The following RGS11 variants were observed in gnomAD, a reference collection of about 807,000 sequenced individuals.
The protein encoded by RGS11 is regulator of G protein signaling 11.
A neutral mutation model predicts 71.1 loss-of-function variants in RGS11; 86 were observed. The ratio of observed to expected loss-of-function variants is 1.21; its 90% CI spans 1.02 to 1.45. RGS11 has a LOEUF of 1.45. Ranked by LOEUF, RGS11 falls within the 40% of genes most tolerant of loss-of-function variation. The pLI is 0.00. For synonymous variants in RGS11, 298 were observed against 254.2 expected, an observed-to-expected ratio of 1.17 and a Z score of -1.64; for missense variants, 734 against 635.1, an observed-to-expected ratio of 1.16 and a Z score of -1.67.
Position 269,213 on chromosome 16 carries a change from G to T in RGS11, c.*56C>A. The T allele has an allele frequency of 7.8e-7, 1 of 1,286,160 alleles. No homozygotes were observed. Among genetic ancestry groups the T allele is most frequent in the East Asian group, 2.5e-5 (1 of 39,820 alleles). 79.7% of individuals were successfully genotyped at this position (1,286,160 alleles called of 1,614,324 possible). A position where few individuals can be genotyped will look rare whatever the true frequency, so the allele number is the denominator to read the frequency against. ...CTGGGCCAAGACGGGGGTGGCTGCT[G>T]CATTCACGCAGGACGTTGAGCTGCA... is the stretch of plus-strand genomic sequence containing the variant. On this transcript the variant is annotated 3_prime_UTR_variant, in exon 17 of 17. Transcript: ENST00000397770.
chr16:275,256 G>A, intron 3 of RGS11, 27 bp downstream of exon 3: 1 of 1,612,368 alleles, frequency 6.2e-7, no homozygotes, highest in Non-Finnish European at 8.5e-7. Flanking sequence ...AGTGACCCCA[G>A]GGCCCAGTGG....
intron 2 of RGS11, 31 bp downstream of exon 2, chr16:275,371 G>GCGCA: frequency 6.2e-7 from 1 of 1,610,512 alleles, no homozygotes; most frequent in African/African-American, 1.3e-5. Context: ...AGGCCGAGGC[G>GCGCA]CGCACGCACC....
rs747409484 is a variant in RGS11, at chr16:270,571, G to A, written c.1158C>T (p.Arg386=). The A allele has an allele frequency of 1.1e-5, 18 of 1,608,998 alleles. No individual in the cohort carries two copies. The highest frequency in any genetic ancestry group is 1.5e-5 in the Non-Finnish European group (18 of 1,178,278). The change falls in exon 15 of 17, where the codon CGC becomes CGT. Residue 386 remains arginine (R), a synonymous_variant. Coordinates refer to ENST00000397770, the MANE Select transcript of RGS11 (RefSeq NM_183337.3). ...GCAGCTGGGCGTCATCCAGGACATA[G>A]CGGTGGGGCTGGCGCAGCCCCTCCA... ...QTLEGLRQPH[R]YVLDDAQLHI...
intron 3 of RGS11, 27 bp from the exon 4 acceptor site, chr16:275,109 G>C (rs888057384): frequency 4.1e-6 from 6 of 1,481,388 alleles, no homozygotes; most frequent in Non-Finnish European, 4.5e-6. Flanking sequence ...CGGTGAGCGC[G>C]GGGCCGCGGA....
In RGS11 at chr16:275,314, C is replaced by A; in HGVS notation, c.180G>T (p.Trp60Cys). The stretch of plus-strand genomic sequence containing the variant: ...CCGAGACGCAGAACTTCTGGGCCAA[C>A]CACTGCACGACGTCGCTGCCTGCAC... ...HAVTGSDVVQ[W>C]LAQKFCVSEE... is the part of the protein sequence containing the mutation. Residue 60 changes from tryptophan (W) to cysteine (C), a missense_variant, in exon 3 of 17, where the codon TGG becomes TGT. Coordinates refer to ENST00000397770, the MANE Select transcript of RGS11 (RefSeq NM_183337.3). The A allele has an allele frequency of 6.2e-7, 1 of 1,612,550 alleles. No homozygotes were observed. The highest frequency in any genetic ancestry group is 8.5e-7 in the Non-Finnish European group (1 of 1,179,862).
rs777585890 is a variant in RGS11 at position 271,562 on chromosome 16, C to T, written c.665G>A (p.Ser222Asn). ...TACCTCCCGCTTATGGAAATCTGCA[C>T]TCTTGGTCTAGAAGGGGATAGGTGG... The part of the protein sequence containing the change: ...CAASRVLMTK[S>N]ADFHKREIEY... The change falls in exon 10 of 17, where the codon AGT becomes AAT. Residue 222 changes from serine to asparagine, a missense_variant. Ser to Asn is a conservative substitution (Grantham distance 46). Coordinates refer to ENST00000397770, the MANE Select transcript of RGS11 (RefSeq NM_183337.3). 9 of 1,613,684 alleles carry T rather than the reference C, an allele frequency of 5.6e-6. No individual in the cohort carries two copies. The East Asian group carries it at 1.8e-4, about 32-fold the overall frequency.
At chr16:271,985 C>T (rs538556884) in intron 9 of RGS11, 7 of 298,152 alleles carry the variant, frequency 2.3e-5, no homozygotes, top group Admixed American at 5.0e-5. Context: ...TACAGGCATG[C>T]GCCACCAAGC....
At position 268,582 on chromosome 16, in the gene RGS11, C is replaced by T. The variant is rs138797785; in HGVS notation, c.*687G>A. 21 of 617,884 alleles carry T rather than the reference C, an allele frequency of 3.4e-5. No homozygotes were observed. The highest frequency in any genetic ancestry group is 1.9e-4 in the Admixed American group (7 of 36,852). The allele number at this position is 617,884 out of a possible 1,614,324, so 38.3% of individuals were successfully genotyped here. A position where few individuals can be genotyped will look rare whatever the true frequency, so the allele number is the denominator to read the frequency against. On this transcript the variant is annotated 3_prime_UTR_variant, in exon 17 of 17. Transcript: ENST00000397770. ...GGATCCACCCTATGGAATCGGGCCT[C>T]GTCAGTGGGGTGACAATGTCAGAGT... is the stretch of plus-strand genomic sequence containing the variant.
Position 270,541 on chromosome 16 carries a change from T to C in RGS11, c.1188A>G (p.Ile396Met), listed in dbSNP as rs376519795. The C allele has an allele frequency of 5.4e-4, 861 of 1,608,300 alleles. 7 individuals carry two copies. The South Asian group carries it at 8.1e-3, about 15-fold the overall frequency. The change falls in exon 15 of 17, where the codon ATA becomes ATG. Residue 396 changes from isoleucine to methionine, a missense_variant. Ile to Met is a conservative substitution (Grantham distance 10). Coordinates refer to ENST00000397770, the MANE Select transcript of RGS11 (RefSeq NM_183337.3). Reference protein sequence around the residue: ...RYVLDDAQLHIYMLMKKDSYP... With the variant: ...RYVLDDAQLHMYMLMKKDSYP... ...CACCCACCTTCTTCATGAGCATGTA[T>C]ATGTGCAGCTGGGCGTCATCCAGGA...
In RGS11 at chr16:271,457, CGATCTA is replaced by C. The variant is rs1404722058; in HGVS notation, c.688-3_690del. The C allele has an allele frequency of 3.5e-5, 57 of 1,613,796 alleles. No homozygotes were observed. The highest frequency in any genetic ancestry group is 4.7e-5 in the Non-Finnish European group (55 of 1,180,030). ...CTGCCCAGCGCTTTCCTGAAGTACT[CGATCTA>C]GGATGTGGGGCCTGTGAGTCAGGTC... is the stretch of plus-strand genomic sequence containing the variant. On this transcript the variant is annotated splice_acceptor_variant and splice_polypyrimidine_tract_variant and coding_sequence_variant and intron_variant, in exon 11 of 17. Coordinates refer to ENST00000397770, the MANE Select transcript of RGS11 (RefSeq NM_183337.3). LOFTEE classifies it high-confidence loss of function.
At position 271,300 on chromosome 16, in the gene RGS11, G is replaced by A. The variant is rs376089094; in HGVS notation, c.765C>T (p.Cys255=). The stretch of plus-strand genomic sequence containing the variant: ...GGGGATCGTGGGGTCCACGCTGGCC[G>A]CAGAAACTCAGGTACCTGGAAGGGG... The part of the protein sequence containing the change: ...SVCLEAYLSF[C]GQRGPHDPLV... The change falls in exon 12 of 17, where the codon TGC becomes TGT. Residue 255 remains cysteine (C), a synonymous_variant. Transcript: ENST00000397770. 1.9e-4 allele frequency: 304 copies of A among 1,612,864 alleles called. No homozygotes were observed. The highest frequency in any genetic ancestry group is 2.3e-4 in the Admixed American group (14 of 60,014).
Position 275,848 on chromosome 16 carries a change from C to A in RGS11, c.63+1G>T. Reference sequence around the variant, plus strand: ...CGGCGGGACACCCACCCGCCTCGCACCTTCCTCAGATGCGGCATCTGCGCC... The same window carrying A: ...CGGCGGGACACCCACCCGCCTCGCAACTTCCTCAGATGCGGCATCTGCGCC... On this transcript the variant is annotated splice_donor_variant, in intron 1 of 16. Coordinates refer to ENST00000397770, the MANE Select transcript of RGS11 (RefSeq NM_183337.3). LOFTEE classifies it high-confidence loss of function. 1 of 1,071,656 alleles carries A rather than the reference C, an allele frequency of 9.3e-7. No individual in the cohort carries two copies. The highest frequency in any genetic ancestry group is 3.7e-5 in the South Asian group (1 of 26,778). The allele number at this position is 1,071,656 out of a possible 1,614,324, so 66.4% of individuals were successfully genotyped here. A position where few individuals can be genotyped will look rare whatever the true frequency, so the allele number is the denominator to read the frequency against.
Position 271,524 on chromosome 16 carries a change from C to T in RGS11, c.687+16G>A. ...GAAGGCACCTGGCACCCTCCACTCC[C>T]AGCTCCAGAACTTACCTCCCGCTTA... On this transcript the variant is annotated intron_variant, in intron 10 of 16. Coordinates refer to ENST00000397770, the MANE Select transcript of RGS11 (RefSeq NM_183337.3). 1.9e-6 allele frequency: 3 copies of T among 1,614,038 alleles called. No homozygotes were observed. The highest frequency in any genetic ancestry group is 2.5e-6 in the Non-Finnish European group (3 of 1,180,030).
Position 270,841 on chromosome 16 carries a change from C to T in RGS11, c.980-10G>A, listed in dbSNP as rs773772912. 1.5e-5 allele frequency: 24 copies of T among 1,608,494 alleles called. No homozygotes were observed. In the East Asian group the frequency reaches 2.5e-4, roughly 17 times the overall value. ...AAGCTGAGGTTTTCTCCTGGGGGGC[C>T]GGGCACCCAGTCAAGGATCCCATCG... On this transcript the variant is annotated splice_polypyrimidine_tract_variant and intron_variant, in intron 13 of 16. Coordinates refer to ENST00000397770, the MANE Select transcript of RGS11 (RefSeq NM_183337.3).
intron 11 of RGS11, 35 bp downstream of exon 11, chr16:271,364 A>AG: frequency 1.9e-6 from 3 of 1,612,592 alleles, no homozygotes; most frequent in Non-Finnish European, 2.5e-6. Context: ...AGCACTCAGC[A>AG]GGGGTCTCCA....
chr16:270,647 G>A lies in RGS11; in HGVS notation c.1082C>T (p.Pro361Leu). ...GATGTTGACCCAGTGGGCAGCTCCG[G>A]GGGCCAGGAACTGCCTAGGGGTGGG... ...VDAVYEQFLA[P>L]GAAHWVNIDS... The change falls in exon 15 of 17, where the codon CCC (proline) becomes CTC (leucine). Residue 361 changes from proline (P) to leucine (L), a missense_variant. By Grantham distance (98) the Pro-to-Leu change is moderately conservative (BLOSUM62 -3). Coordinates refer to ENST00000397770, the MANE Select transcript of RGS11 (RefSeq NM_183337.3). 1 of 1,609,908 alleles carries A rather than the reference G, an allele frequency of 6.2e-7. No homozygotes were observed. The highest frequency in any genetic ancestry group is 8.5e-7 in the Non-Finnish European group (1 of 1,178,826).
chr16:269,021 C>G lies in RGS11; in HGVS notation c.*248G>C. On this transcript the variant is annotated 3_prime_UTR_variant, in exon 17 of 17. Transcript: ENST00000397770. ...CTCTCTTCAGGTAACAGGCTCTGCCCTGACCCAAGCTGAGCCAATGAACCC... is the reference window on the plus strand; with the variant it reads ...CTCTCTTCAGGTAACAGGCTCTGCCGTGACCCAAGCTGAGCCAATGAACCC... 7.5e-7 allele frequency: 1 copy of G among 1,329,800 alleles called. No homozygotes were observed. The highest frequency in any genetic ancestry group is 1.1e-6 in the Non-Finnish European group (1 of 946,070). 82.4% of individuals were successfully genotyped at this position (1,329,800 alleles called of 1,614,324 possible).
At chr16:271,765 A>T (rs368307972) in intron 9 of RGS11, 196 bp from the exon 10 acceptor site, 3 of 605,820 alleles carry the variant, frequency 5.0e-6, no homozygotes, top group East Asian at 2.8e-5. Flanking sequence ...TGGGGGCCTA[A>T]GGTCTGGCGA....
chr16:274,143 C>T (rs1192725335), intron 5 of RGS11, 42 bp from the exon 6 acceptor site: 4 of 1,570,474 alleles, frequency 2.5e-6, no homozygotes, highest in East Asian at 2.4e-5. Flanking sequence ...CAGCTCTGCC[C>T]TGCCTCACGG....
Sources: allele counts gnomAD v4.1 joint callset, GRCh38; gene constraint gnomAD v4.1.1; transcripts MANE v1.5; gene names NCBI Gene and HGNC (gene_info 2026-07-23, HGNC 2026-07-21).